Variants in MAPKAP1 observed in about 807,000 individuals in gnomAD.
The protein encoded by MAPKAP1 is MAPK associated protein 1.
In MAPKAP1, 20 loss-of-function variants were observed where a neutral mutation model predicts 65.7. The ratio of observed to expected loss-of-function variants is 0.30; its 90% CI spans 0.21 to 0.44. MAPKAP1 has a LOEUF of 0.44. MAPKAP1 is among the 20% of genes least tolerant of loss of function. MAPKAP1 has a pLI of 1.00. For synonymous variants in MAPKAP1, 222 were observed against 244.3 expected (o/e 0.91, Z 0.85); for missense variants, 423 against 648.0 (o/e 0.65, Z 3.77).
chr9:125,563,732 T>TAC, intron 5 of MAPKAP1, among the ~76,000 whole-genome samples: 1 of 151,722 alleles, frequency 6.6e-6, no homozygotes, highest in Non-Finnish European at 1.5e-5. Context: ...ATTATTATTT[T>TAC]TGAGATGGAG....
chr9:125,688,737 T>A (rs1835065278), intron 1 of MAPKAP1, among the ~76,000 whole-genome samples: 2 of 152,096 alleles, frequency 1.3e-5, no homozygotes, highest in South Asian at 4.1e-4. Flanking sequence ...GACCCTCATC[T>A]CTTAAAAACA....
At chr9:125,678,342 A>C (rs1293127605) in intron 1 of MAPKAP1, among the ~76,000 whole-genome samples, 1 of 151,876 alleles carries the variant, frequency 6.6e-6, no homozygotes, top group African/African-American at 2.4e-5. Context: ...TCCCGGGTTC[A>C]CGCCACTCTC....
At chr9:125,593,411 T>C (rs1463350361) in intron 4 of MAPKAP1, among the ~76,000 whole-genome samples, 1 of 151,752 alleles carries the variant, frequency 6.6e-6, no homozygotes. Context: ...CCTGTAATCC[T>C]AGCACTTTGG....
At chr9:125,522,545 C>T (rs188881132) in intron 7 of MAPKAP1, among the ~76,000 whole-genome samples, 65 of 152,288 alleles carry the variant, frequency 4.3e-4, no homozygotes, top group Admixed American at 1.2e-3. Context: ...GACATTAAAT[C>T]GGCTCCCAAG....
chr9:125,676,519 C>T (rs527573511), intron 1 of MAPKAP1, among the ~76,000 whole-genome samples: 2 of 144,730 alleles, frequency 1.4e-5, no homozygotes, highest in Non-Finnish European at 3.0e-5. Flanking sequence ...ATAAGCCAGT[C>T]GCAAAAGGAC....
intron 4 of MAPKAP1, among the ~76,000 whole-genome samples, chr9:125,624,653 C>T (rs1451983420): frequency 1.4e-5 from 1 of 69,388 alleles, no homozygotes; most frequent in Non-Finnish European, 3.1e-5. Flanking sequence ...CCGCCCCGTC[C>T]GGGAGGTGAG....
At chr9:125,493,209 C>T (rs1184908840) in intron 8 of MAPKAP1, among the ~76,000 whole-genome samples, 8 of 152,180 alleles carry the variant, frequency 5.3e-5, no homozygotes, top group African/African-American at 1.9e-4. Flanking sequence ...TTCTCTGCTC[C>T]ACTCTATCTT....
At position 125,505,399 on chromosome 9, in the gene MAPKAP1, T is replaced by C. The variant is rs564688167; in HGVS notation, c.1066+911A>G. Among the ~76,000 whole-genome samples the C allele has an allele frequency of 3.2e-4, 49 of 151,846 alleles. No individual in the cohort carries two copies. In the South Asian group the frequency reaches 4.4e-3, roughly 14 times the overall value. On this transcript the variant is annotated intron_variant, in intron 8 of 11. Transcript: ENST00000265960. The stretch of plus-strand genomic sequence containing the variant: ...GAGATTGCACCACTGCACTCCAGCC[T>C]GGGTGACAGAGCGAGACTCCGTCTC...
At chr9:125,635,348 T>C (rs1490575962) in intron 4 of MAPKAP1, among the ~76,000 whole-genome samples, 1 of 152,236 alleles carries the variant, frequency 6.6e-6, no homozygotes, top group Non-Finnish European at 1.5e-5. Flanking sequence ...CTCCTAGATA[T>C]GAACTATCAG....
At chr9:125,503,553 C>T (rs1224993896) in intron 8 of MAPKAP1, among the ~76,000 whole-genome samples, 1 of 152,102 alleles carries the variant, frequency 6.6e-6, no homozygotes, top group East Asian at 1.9e-4. Context: ...ACTTAGTCTG[C>T]CTTTACTAGA....
chr9:125,533,576 G>GA (rs1829993036), intron 7 of MAPKAP1, among the ~76,000 whole-genome samples: 1 of 151,950 alleles, frequency 6.6e-6, no homozygotes, highest in Non-Finnish European at 1.5e-5. Context: ...TCAGCCTCCT[G>GA]AGTACCTGGG....
chr9:125,499,184 G>A (rs1160651542), intron 8 of MAPKAP1, among the ~76,000 whole-genome samples: 6 of 152,206 alleles, frequency 3.9e-5, no homozygotes, highest in South Asian at 2.1e-4. Context: ...TAAGGACTGC[G>A]TAATACATGA....
At chr9:125,680,468 C>T (rs1834790048) in intron 1 of MAPKAP1, among the ~76,000 whole-genome samples, 1 of 152,086 alleles carries the variant, frequency 6.6e-6, no homozygotes, top group South Asian at 2.1e-4. Context: ...ATTAAATCTT[C>T]ATTTATTTTT....
rs552379001 is a variant in MAPKAP1 at position 125,702,220 on chromosome 9, G to C, written c.-70+4751C>G. Among the ~76,000 whole-genome samples, 4 of 152,160 alleles carry C rather than the reference G, an allele frequency of 2.6e-5. No individual in the cohort carries two copies. The South Asian group carries it at 8.3e-4, about 32-fold the overall frequency. ...AAGACCAGCCTAGGCAACATAGATA[G>C]ACACCATCTCTACAAAATTTTTTTA... On this transcript the variant is annotated intron_variant, in intron 1 of 11. Transcript: ENST00000265960.
At chr9:125,562,374 G>C (rs1161742157) in intron 5 of MAPKAP1, among the ~76,000 whole-genome samples, 1 of 152,178 alleles carries the variant, frequency 6.6e-6, no homozygotes, top group Admixed American at 6.5e-5. Context: ...CCTGTCCTGA[G>C]CATCAGGAAC....
chr9:125,559,827 A>G lies in MAPKAP1; in HGVS notation c.672-18T>C. The G allele has an allele frequency of 6.2e-7, 1 of 1,600,774 alleles. No individual in the cohort carries two copies. The highest frequency in any genetic ancestry group is 8.5e-7 in the Non-Finnish European group (1 of 1,171,442). The stretch of plus-strand genomic sequence containing the variant: ...CATTGTCACTGAAAGGAAAACCAAA[A>G]AGGCGAGTGAATACCAAGGTAGGGA... On this transcript the variant is annotated intron_variant, in intron 5 of 11. Coordinates refer to ENST00000265960, the MANE Select transcript of MAPKAP1 (RefSeq NM_001006617.3).
At chr9:125,642,742 C>T (rs796373565) in intron 4 of MAPKAP1, among the ~76,000 whole-genome samples, 16 of 152,256 alleles carry the variant, frequency 1.1e-4, no homozygotes, top group African/African-American at 2.9e-4. Context: ...TTTCCCTTTG[C>T]AATAAATCTC....
chr9:125,493,017 G>A (rs1338849683), intron 8 of MAPKAP1, among the ~76,000 whole-genome samples: 1 of 151,936 alleles, frequency 6.6e-6, no homozygotes, highest in East Asian at 1.9e-4. Flanking sequence ...CACAAAGCAT[G>A]AGGACCTACA....
At chr9:125,654,755 C>A (rs1833984166) in intron 4 of MAPKAP1, among the ~76,000 whole-genome samples, 1 of 152,156 alleles carries the variant, frequency 6.6e-6, no homozygotes. Flanking sequence ...ATCCAGTTGG[C>A]ATGAACTGTT....
Sources: gnomAD v4.1 joint callset for allele counts (sites outside exome capture counted in the v4.1 genomes callset) on GRCh38, gnomAD v4.1.1 for gene constraint, MANE v1.5 for transcripts, NCBI Gene and HGNC (gene_info 2026-07-23, HGNC 2026-07-21) for gene names.